CNTN4: variants seen among roughly 807,000 people sequenced by gnomAD.
CNTN4 encodes the protein contactin 4.
In CNTN4, 77 loss-of-function variants were observed where a neutral mutation model predicts 122.5. The observed-to-expected ratio is 0.63, with a 90% CI of 0.52 to 0.76. The LOEUF (loss-of-function observed/expected upper bound fraction) is 0.76, where lower values mean the gene tolerates loss of function less well. Ranked by LOEUF, CNTN4 falls within the 30% of genes least tolerant of loss-of-function variation. The pLI, the probability that CNTN4 is intolerant of heterozygous loss-of-function variation, is 0.00. For missense variants in CNTN4, 1,256 were observed against 1,259.1 expected (o/e 1.00, Z 0.04); for synonymous variants, 512 against 447.0 (o/e 1.15, Z -1.83).
chr3:2,754,532 C>G (rs1188307212), intron 6 of CNTN4, among the ~76,000 whole-genome samples: 1 of 152,040 alleles, frequency 6.6e-6, no homozygotes, highest in African/African-American at 2.4e-5. Context: ...AGTAACTAGA[C>G]TAATACACCA....
chr3:2,625,647 T>C (rs111397315), intron 4 of CNTN4, among the ~76,000 whole-genome samples: 1 of 152,234 alleles, frequency 6.6e-6, no homozygotes. Context: ...GATTCATCCA[T>C]GCTGCTATAA....
rs1002584243 is a variant in CNTN4 at position 2,841,439 on chromosome 3, G to A, written c.454+21858G>A. Reference sequence around the variant, plus strand: ...TACATTTACAAATAAAAGAGGATTAGGATTATTTTCATTTTAATATTCCCA... The same window carrying A: ...TACATTTACAAATAAAAGAGGATTAAGATTATTTTCATTTTAATATTCCCA... On this transcript the variant is annotated intron_variant, in intron 7 of 24. Coordinates refer to ENST00000418658, the MANE Select transcript of CNTN4 (RefSeq NM_175607.3). The surrounding 1 kb of genome is among the most constrained non-coding windows in gnomAD (Gnocchi z 4.8). Among the ~76,000 whole-genome samples the A allele has an allele frequency of 6.6e-6, 1 of 152,096 alleles. No homozygotes were observed. Among genetic ancestry groups the A allele is most frequent in the African/African-American group, 2.4e-5 (1 of 41,416 alleles).
intron 2 of CNTN4, among the ~76,000 whole-genome samples, chr3:2,265,008 G>A (rs1480627366): frequency 6.6e-6 from 1 of 151,798 alleles, no homozygotes; most frequent in Non-Finnish European, 1.5e-5. Flanking sequence ...CATCCCTCAC[G>A]CCACTCGTAC....
At chr3:2,840,000 C>G (rs1334550476) in intron 7 of CNTN4, among the ~76,000 whole-genome samples, 1 of 152,004 alleles carries the variant, frequency 6.6e-6, no homozygotes, top group Non-Finnish European at 1.5e-5. Flanking sequence ...AGGTCTATGT[C>G]TTAAATAGGA....
intron 3 of CNTN4, among the ~76,000 whole-genome samples, chr3:2,476,945 A>G (rs1238233324): frequency 1.3e-5 from 2 of 152,158 alleles, no homozygotes; most frequent in Non-Finnish European, 2.9e-5. Flanking sequence ...TTTGAACTTC[A>G]TCAGGATTTT....
intron 4 of CNTN4, among the ~76,000 whole-genome samples, chr3:2,728,868 GT>G (rs1396028055): frequency 6.6e-6 from 1 of 152,162 alleles, no homozygotes; most frequent in African/African-American, 2.4e-5. Context: ...AAGACCAGGT[GT>G]TTAATCAAAT....
chr3:2,270,595 CT>C (rs1035296246), intron 2 of CNTN4, among the ~76,000 whole-genome samples: 6 of 152,072 alleles, frequency 3.9e-5, no homozygotes, highest in African/African-American at 1.4e-4. Flanking sequence ...CCTAAAATAT[CT>C]GTTAATATGC....
At chr3:2,667,602 C>A (rs2084247542) in intron 4 of CNTN4, among the ~76,000 whole-genome samples, 1 of 150,918 alleles carries the variant, frequency 6.6e-6, no homozygotes, top group Admixed American at 6.6e-5. Context: ...TTAATTAGAT[C>A]CCATTTGTCA....
At chr3:3,002,439 G>A (rs1696143040) in intron 14 of CNTN4, among the ~76,000 whole-genome samples, 2 of 152,234 alleles carry the variant, frequency 1.3e-5, no homozygotes, top group Admixed American at 1.3e-4. Flanking sequence ...GAGAGAAACA[G>A]AGATAGAGAG....
intron 2 of CNTN4, among the ~76,000 whole-genome samples, chr3:2,194,874 C>A (rs912588705): frequency 6.6e-6 from 1 of 152,182 alleles, no homozygotes; most frequent in Admixed American, 6.5e-5. Flanking sequence ...TGATTTCAGA[C>A]TTCTAGCCTC....
intron 13 of CNTN4, among the ~76,000 whole-genome samples, chr3:2,952,365 T>C (rs1452394333): frequency 6.6e-6 from 1 of 152,194 alleles, no homozygotes; most frequent in Non-Finnish European, 1.5e-5. Context: ...GCCATCTATG[T>C]AGTCTTGAGC....
intron 2 of CNTN4, among the ~76,000 whole-genome samples, chr3:2,316,774 G>A (rs1034887907): frequency 1.3e-5 from 2 of 152,108 alleles, no homozygotes; most frequent in African/African-American, 4.8e-5. Context: ...AGTTTAAGAC[G>A]CCGAGCTCTG....
chr3:2,946,434 C>T (rs2094679049), intron 13 of CNTN4, among the ~76,000 whole-genome samples: 2 of 152,092 alleles, frequency 1.3e-5, no homozygotes, highest in African/African-American at 2.4e-5. Flanking sequence ...CGTGTATATG[C>T]TCATGTAACG....
intron 13 of CNTN4, among the ~76,000 whole-genome samples, chr3:2,981,405 C>T (rs1426394121): frequency 6.6e-6 from 1 of 151,998 alleles, no homozygotes; most frequent in Non-Finnish European, 1.5e-5. Context: ...GATCGCAGCA[C>T]TGCACTCCAG....
At chr3:2,680,466 C>T (rs1386719701) in intron 4 of CNTN4, among the ~76,000 whole-genome samples, 1 of 152,162 alleles carries the variant, frequency 6.6e-6, no homozygotes, top group Non-Finnish European at 1.5e-5. Flanking sequence ...ACACTGTTGG[C>T]AGGACTGCAA....
intron 6 of CNTN4, among the ~76,000 whole-genome samples, chr3:2,776,775 A>C (rs897134347): frequency 6.6e-5 from 10 of 152,296 alleles, no homozygotes; most frequent in Non-Finnish European, 1.3e-4. Context: ...TTATGTAATA[A>C]GTTTTTGCTG....
intron 2 of CNTN4, among the ~76,000 whole-genome samples, chr3:2,147,136 C>T (rs961232958): frequency 2.0e-5 from 3 of 152,132 alleles, no homozygotes; most frequent in African/African-American, 7.2e-5. Flanking sequence ...ACCTTGGCCT[C>T]CCAAAGTGCT....
chr3:2,383,806 C>A lies in CNTN4; in HGVS notation c.-89+44573C>A, dbSNP rs557643261. On this transcript the variant is annotated intron_variant, in intron 3 of 24. Coordinates refer to ENST00000418658, the MANE Select transcript of CNTN4 (RefSeq NM_175607.3). ...TCTCCCTTTCTTTCCTCTCTTCTCC[C>A]TCTGTCTCCCTCTCCTCTCTCCCTA... Among the ~76,000 whole-genome samples, 4 of 150,748 alleles carry A rather than the reference C, an allele frequency of 2.7e-5. No individual in the cohort carries two copies. The East Asian group carries it at 5.9e-4, about 22-fold the overall frequency.
chr3:2,411,971 T>A (rs1420849651), intron 3 of CNTN4, among the ~76,000 whole-genome samples: 1 of 152,204 alleles, frequency 6.6e-6, no homozygotes, highest in Non-Finnish European at 1.5e-5. Context: ...TTACTCCTTG[T>A]CTGTCAATAC....
Sources: allele counts gnomAD v4.1 joint callset (sites outside exome capture counted in the v4.1 genomes callset), GRCh38; gene constraint gnomAD v4.1.1; non-coding constraint Gnocchi (gnomAD v3.1); transcripts MANE v1.5; gene names NCBI Gene and HGNC (gene_info 2026-07-23, HGNC 2026-07-21).